The following DGKE variants were observed in gnomAD, a reference collection of about 807,000 sequenced individuals.
DGKE encodes the protein DAG kinase epsilon.
DGKE carries 53 observed loss-of-function variants against 70.0 expected under a neutral mutation model. The observed-to-expected ratio is 0.76, with a 90% CI of 0.61 to 0.95. The LOEUF (loss-of-function observed/expected upper bound fraction) is 0.95, where lower values mean the gene tolerates loss of function less well. Among genes scored for constraint, DGKE ranks in the 40% least tolerant of loss-of-function variants. The pLI is 0.00. For missense variants in DGKE, 655 were observed against 706.9 expected, an observed-to-expected ratio of 0.93 and a Z score of 0.83; for synonymous variants, 291 against 257.0, an observed-to-expected ratio of 1.13 and a Z score of -1.27.
At position 56,848,812 on chromosome 17, in the gene DGKE, T is replaced by G; in HGVS notation, c.1005T>G (p.Val335=). The change falls in exon 6 of 12, where the codon GTT becomes GTG. Residue 335 remains valine, a synonymous_variant. Coordinates refer to ENST00000284061, the MANE Select transcript of DGKE (RefSeq NM_003647.3). ...GYAGEIPVAQ[V]LRNVMEADGI... is the part of the protein sequence containing the mutation. ...CTGGAGAAATTCCAGTTGCGCAGGTTTTGCGAAATGTAATGGAAGCAGATG... is the reference window on the plus strand; with the variant it reads ...CTGGAGAAATTCCAGTTGCGCAGGTGTTGCGAAATGTAATGGAAGCAGATG... The G allele has an allele frequency of 1.2e-6, 2 of 1,614,148 alleles. No individual in the cohort carries two copies. Among genetic ancestry groups the G allele is most frequent in the Non-Finnish European group, 8.5e-7 (1 of 1,180,028 alleles).
chr17:56,849,246 G>C lies in DGKE; in HGVS notation c.1098+14G>C. On this transcript the variant is annotated intron_variant, in intron 7 of 11. Transcript: ENST00000284061. The stretch of plus-strand genomic sequence containing the variant: ...AGAAAACCCAAGGTATGTTGTTAGT[G>C]CCTCAGTTGCAAGTGGTTTCAGCTT... The C allele has an allele frequency of 6.2e-7, 1 of 1,607,860 alleles. No individual in the cohort carries two copies. The highest frequency in any genetic ancestry group is 8.5e-7 in the Non-Finnish European group (1 of 1,177,848).
chr17:56,835,847 C>T (rs1178786796), intron 2 of DGKE: 1 of 152,948 alleles, frequency 6.5e-6, no homozygotes, highest in Non-Finnish European at 1.5e-5. Context: ...TTGATTAAGC[C>T]AAGAATATTT....
intron 7 of DGKE, among the ~76,000 whole-genome samples, chr17:56,854,783 C>T (rs1010291655): frequency 2.6e-5 from 4 of 152,122 alleles, no homozygotes; most frequent in Non-Finnish European, 4.4e-5. Flanking sequence ...GAGATCATTC[C>T]TCCAAAGAAA....
intron 6 of DGKE, 63 bp from the exon 7 acceptor site, chr17:56,849,118 C>G (rs1907492045): frequency 1.3e-6 from 2 of 1,487,870 alleles, no homozygotes; most frequent in Non-Finnish European, 1.8e-6. Context: ...CTCATTTATC[C>G]AAACATCCAG....
chr17:56,848,212 C>T, intron 5 of DGKE, 147 bp downstream of exon 5: 1 of 432,756 alleles, frequency 2.3e-6, no homozygotes, highest in Non-Finnish European at 3.4e-6. Context: ...GGCTGGAGTG[C>T]AGCGGCGCAG....
In DGKE at chr17:56,865,498, A is replaced by G. The variant is rs1320952650; in HGVS notation, c.*2707A>G. ...GTTTCGTCATGTTTAATAGAAATCAAACTGACTTGTGTTTTAAAATACAAG... is the reference window on the plus strand; with the variant it reads ...GTTTCGTCATGTTTAATAGAAATCAGACTGACTTGTGTTTTAAAATACAAG... On this transcript the variant is annotated 3_prime_UTR_variant, in exon 12 of 12. Coordinates refer to ENST00000284061, the MANE Select transcript of DGKE (RefSeq NM_003647.3). 6.6e-6 allele frequency: 1 copy of G among 152,186 alleles called. No individual in the cohort carries two copies. Among genetic ancestry groups the G allele is most frequent in the Non-Finnish European group, 1.5e-5 (1 of 68,006 alleles). 9.4% of individuals were successfully genotyped at this position (152,186 alleles called of 1,614,324 possible). A position where few individuals can be genotyped will look rare whatever the true frequency, so the allele number is the denominator to read the frequency against.
chr17:56,844,947 C>A (rs528432249), intron 3 of DGKE, among the ~76,000 whole-genome samples: 1 of 152,118 alleles, frequency 6.6e-6, no homozygotes, highest in Non-Finnish European at 1.5e-5. Flanking sequence ...TTATGACTTA[C>A]ATGCCACCTT....
In DGKE at chr17:56,843,544, C is replaced by G. The variant is rs139512152; in HGVS notation, c.465-475C>G. Among the ~76,000 whole-genome samples the G allele has an allele frequency of 4.7e-4, 71 of 152,218 alleles. No individual in the cohort carries two copies. The East Asian group carries it at 0.012, about 26-fold the overall frequency. On this transcript the variant is annotated intron_variant, in intron 2 of 11. Transcript: ENST00000284061. Reference sequence around the variant, plus strand: ...GGGCACAGTGGCTCACTCCAGCAATCCCAGCACTTATGGGAGGCCGAGGTG... The same window carrying G: ...GGGCACAGTGGCTCACTCCAGCAATGCCAGCACTTATGGGAGGCCGAGGTG...
intron 1 of DGKE, 24 bp from the exon 2 acceptor site, chr17:56,834,754 A>T: frequency 2.6e-6 from 4 of 1,539,432 alleles, no homozygotes; most frequent in Non-Finnish European, 3.5e-6. Context: ...CTCGGGGTGC[A>T]CCGCCTGTTT....
At chr17:56,840,186 TAATC>T (rs1439622648) in intron 2 of DGKE, among the ~76,000 whole-genome samples, 1 of 152,130 alleles carries the variant, frequency 6.6e-6, no homozygotes, top group Non-Finnish European at 1.5e-5. Flanking sequence ...GTAATAATAA[TAATC>T]TTTTCTGAAA....
rs753977628 is a variant in DGKE at position 56,847,106 on chromosome 17, C to T, written c.745-816C>T. Among the ~76,000 whole-genome samples the T allele has an allele frequency of 2.6e-5, 4 of 151,970 alleles. 1 individual carries two copies. The highest frequency in any genetic ancestry group is 4.8e-5 in the African/African-American group (2 of 41,358). On this transcript the variant is annotated intron_variant, in intron 4 of 11. Coordinates refer to ENST00000284061, the MANE Select transcript of DGKE (RefSeq NM_003647.3). ...CATATTTTTAGGCATTTTTGTCTTTCGAAATATTTTTCTAGGGTCGTTGAC... is the reference window on the plus strand; with the variant it reads ...CATATTTTTAGGCATTTTTGTCTTTTGAAATATTTTTCTAGGGTCGTTGAC...
intron 7 of DGKE, among the ~76,000 whole-genome samples, chr17:56,854,849 G>A (rs1428541230): frequency 6.6e-6 from 1 of 152,144 alleles, no homozygotes; most frequent in Non-Finnish European, 1.5e-5. Context: ...ATGTTCTTCA[G>A]CCATTTGCTG....
At chr17:56,840,464 C>T (rs965084880) in intron 2 of DGKE, among the ~76,000 whole-genome samples, 1 of 152,114 alleles carries the variant, frequency 6.6e-6, no homozygotes, top group African/African-American at 2.4e-5. Context: ...CTACCTCTAC[C>T]TCCCAGGCTC....
rs1907663329 is a variant in DGKE at position 56,851,720 on chromosome 17, C to T, written c.1098+2488C>T. On this transcript the variant is annotated intron_variant, in intron 7 of 11. Transcript: ENST00000284061. Reference sequence around the variant, plus strand: ...AACAACAAGAAAGAATTGTAGGAAACACAGTCCAGGAAGCTGAAGGAAGTC... The same window carrying T: ...AACAACAAGAAAGAATTGTAGGAAATACAGTCCAGGAAGCTGAAGGAAGTC... 2.0e-5 allele frequency among the ~76,000 whole-genome samples: 3 copies of T among 152,174 alleles called. No homozygotes were observed. In the East Asian group the frequency reaches 5.8e-4, roughly 29 times the overall value.
intron 2 of DGKE, among the ~76,000 whole-genome samples, chr17:56,841,742 C>T (rs1422897487): frequency 6.6e-6 from 1 of 152,122 alleles, no homozygotes; most frequent in African/African-American, 2.4e-5. Context: ...TTCATTTACC[C>T]ATGTTATTTA....
At chr17:56,839,142 TCTC>T in intron 2 of DGKE, among the ~76,000 whole-genome samples, 1 of 152,052 alleles carries the variant, frequency 6.6e-6, no homozygotes, top group Non-Finnish European at 1.5e-5. Context: ...AAGGGTGAGA[TCTC>T]ATACTGTCTG....
rs909684920 is a variant in DGKE at position 56,864,122 on chromosome 17, T to C, written c.*1331T>C. 11 of 152,228 alleles carry C rather than the reference T, an allele frequency of 7.2e-5. No homozygotes were observed. Among genetic ancestry groups the C allele is most frequent in the Admixed American group, 2.6e-4 (4 of 15,286 alleles). The allele number at this position is 152,228 out of a possible 1,614,324, so 9.4% of individuals were successfully genotyped here. On this transcript the variant is annotated 3_prime_UTR_variant, in exon 12 of 12. Transcript: ENST00000284061. ...AATTGCCACAAACTTACTGAAGGGC[T>C]AGTTTCATGGTTCCCATTAGAGGGT...
chr17:56,845,866 G>T, intron 4 of DGKE, 57 bp downstream of exon 4: 1 of 1,485,154 alleles, frequency 6.7e-7, no homozygotes, highest in Non-Finnish European at 9.0e-7. Context: ...AAAATGCAAT[G>T]ATTATTAATG....
Position 56,855,019 on chromosome 17 carries a change from C to T in DGKE, c.1099-1493C>T, listed in dbSNP as rs192923549. ...GTGCCCATCTGGTGCCAGGCACTGT[C>T]GTAGGTGCTGGAGTTTCAGTGATGA... is the stretch of plus-strand genomic sequence containing the variant. On this transcript the variant is annotated intron_variant, in intron 7 of 11. Transcript: ENST00000284061. Among the ~76,000 whole-genome samples, 192 of 152,140 alleles carry T rather than the reference C, an allele frequency of 1.3e-3. 1 individual carries two copies. Among genetic ancestry groups the T allele is most frequent in the African/African-American group, 4.3e-3 (178 of 41,510 alleles).
Sources: allele counts gnomAD v4.1 joint callset (sites outside exome capture counted in the v4.1 genomes callset), GRCh38; gene constraint gnomAD v4.1.1; transcripts MANE v1.5; gene names NCBI Gene and HGNC (gene_info 2026-07-23, HGNC 2026-07-21).